TMEM132D: variants seen among roughly 807,000 people sequenced by gnomAD.
TMEM132D encodes mature OL transmembrane protein.
TMEM132D carries 21 observed loss-of-function variants against 62.3 expected under a neutral mutation model. The observed-to-expected ratio is 0.34, with a 90% CI of 0.24 to 0.49. TMEM132D has a LOEUF of 0.49. TMEM132D is among the 20% of genes least tolerant of loss of function. TMEM132D has a pLI of 0.99. For missense variants in TMEM132D, 1,346 were observed against 1,402.8 expected (o/e 0.96, Z 0.65); for synonymous variants, 621 against 575.6 (o/e 1.08, Z -1.13).
At chr12:129,750,647 A>G (rs544666261) in intron 1 of TMEM132D, among the ~76,000 whole-genome samples, 103 of 152,316 alleles carry the variant, frequency 6.8e-4, no homozygotes, top group Non-Finnish European at 1.1e-3. Context: ...TGACTTTTAA[A>G]AGCCAAGAGT....
At chr12:129,715,575 G>T (rs902233578) in intron 1 of TMEM132D, among the ~76,000 whole-genome samples, 1 of 152,084 alleles carries the variant, frequency 6.6e-6, no homozygotes, top group African/African-American at 2.4e-5. Context: ...TCTGGTACAG[G>T]GATAACCCAC....
At chr12:129,828,492 C>G (rs1872720333) in intron 1 of TMEM132D, among the ~76,000 whole-genome samples, 1 of 151,284 alleles carries the variant, frequency 6.6e-6, no homozygotes, top group African/African-American at 2.4e-5. Context: ...TCTTCCTTCC[C>G]CTCCCAATAT....
In TMEM132D at chr12:129,497,918, C is replaced by T. The variant is rs143932865; in HGVS notation, c.1115+33141G>A. Among the ~76,000 whole-genome samples, 69 of 152,168 alleles carry T rather than the reference C, an allele frequency of 4.5e-4. 1 individual carries two copies. In the East Asian group the frequency reaches 0.012, roughly 27 times the overall value. On this transcript the variant is annotated intron_variant, in intron 3 of 8. Coordinates refer to ENST00000422113, the MANE Select transcript of TMEM132D (RefSeq NM_133448.3). The stretch of plus-strand genomic sequence containing the variant: ...TCAAGTGATCCACTCATCTCCACTT[C>T]CGAAAGGGCTAAGATTAGAGGCATA...
At chr12:129,128,652 A>C (rs1876285808) in intron 5 of TMEM132D, among the ~76,000 whole-genome samples, 1 of 152,142 alleles carries the variant, frequency 6.6e-6, no homozygotes, top group Non-Finnish European at 1.5e-5. Context: ...TGTTTGTTAC[A>C]TGGGTATATT....
At chr12:129,736,615 G>GGA (rs1869432369) in intron 1 of TMEM132D, among the ~76,000 whole-genome samples, 1 of 151,152 alleles carries the variant, frequency 6.6e-6, no homozygotes, top group East Asian at 1.9e-4. Flanking sequence ...TTATAGTATT[G>GGA]AAAAAAAAAC....
chr12:129,124,239 G>T (rs1876148008), intron 5 of TMEM132D, among the ~76,000 whole-genome samples: 1 of 152,042 alleles, frequency 6.6e-6, no homozygotes, highest in African/African-American at 2.4e-5. Flanking sequence ...CAAGCCCAGA[G>T]CTCTCTTCAT....
intron 3 of TMEM132D, among the ~76,000 whole-genome samples, chr12:129,504,058 GTCA>G (rs1387334980): frequency 1.2e-4 from 17 of 146,060 alleles, no homozygotes; most frequent in African/African-American, 3.3e-4. Flanking sequence ...CATCATCATT[GTCA>G]TCATCACCAT....
intron 3 of TMEM132D, among the ~76,000 whole-genome samples, chr12:129,508,909 C>T (rs553139239): frequency 5.8e-5 from 6 of 104,318 alleles, no homozygotes; most frequent in Non-Finnish European, 1.4e-4. Flanking sequence ...TGTTGCAGAT[C>T]TTATCATTTT....
intron 1 of TMEM132D, among the ~76,000 whole-genome samples, chr12:129,901,555 G>A (rs952218934): frequency 2.0e-5 from 3 of 152,150 alleles, no homozygotes; most frequent in Non-Finnish European, 4.4e-5. Flanking sequence ...TAGGCTTATC[G>A]TAAACATTTT....
At chr12:129,735,354 C>T (rs1256337548) in intron 1 of TMEM132D, among the ~76,000 whole-genome samples, 1 of 152,138 alleles carries the variant, frequency 6.6e-6, no homozygotes, top group Non-Finnish European at 1.5e-5. Context: ...TTAAAAGGCT[C>T]CCATCCAATA....
intron 3 of TMEM132D, among the ~76,000 whole-genome samples, chr12:129,396,760 T>C (rs1871443688): frequency 6.6e-6 from 1 of 152,186 alleles, no homozygotes; most frequent in South Asian, 2.1e-4. Context: ...CATAAAGGCA[T>C]GGCATGTTTA....
chr12:129,283,135 G>A (rs1881201007), intron 4 of TMEM132D, among the ~76,000 whole-genome samples: 1 of 152,012 alleles, frequency 6.6e-6, no homozygotes, highest in Non-Finnish European at 1.5e-5. Flanking sequence ...TTTTTCATTT[G>A]GGCATTCAGG....
intron 3 of TMEM132D, among the ~76,000 whole-genome samples, chr12:129,345,968 G>A (rs1218588695): frequency 6.6e-6 from 1 of 152,116 alleles, no homozygotes; most frequent in Non-Finnish European, 1.5e-5. Context: ...GAGTTAGGGA[G>A]GAGTCCCTCT....
At chr12:129,356,748 C>T (rs1870069418) in intron 3 of TMEM132D, among the ~76,000 whole-genome samples, 2 of 151,466 alleles carry the variant, frequency 1.3e-5, no homozygotes, top group Admixed American at 6.6e-5. Flanking sequence ...GCCTGTAGTC[C>T]TAGCTACTCA....
chr12:129,873,724 G>A (rs1874327771), intron 1 of TMEM132D, among the ~76,000 whole-genome samples: 1 of 111,720 alleles, frequency 9.0e-6, no homozygotes, highest in Non-Finnish European at 1.9e-5. Context: ...TTTCACAAAA[G>A]CAAAACTATG....
chr12:129,305,704 C>A (rs1881832064), intron 4 of TMEM132D, among the ~76,000 whole-genome samples: 1 of 152,272 alleles, frequency 6.6e-6, no homozygotes, highest in South Asian at 2.1e-4. Context: ...GTTTCTTAAT[C>A]TCTCTGAACC....
In TMEM132D at chr12:129,421,935, C is replaced by G. The variant is rs78153510; in HGVS notation, c.1116-84118G>C. ...TTGTGGCAAATGCACAGGTGTGTGT[C>G]TACCAAAGTGAAGGTACAGAACAAT... On this transcript the variant is annotated intron_variant, in intron 3 of 8. Transcript: ENST00000422113. Among the ~76,000 whole-genome samples the G allele has an allele frequency of 1.2e-3, 189 of 152,242 alleles. 1 individual carries two copies. Among genetic ancestry groups the G allele is most frequent in the African/African-American group, 4.4e-3 (182 of 41,562 alleles).
At chr12:129,792,708 C>CT (rs1185732269) in intron 1 of TMEM132D, among the ~76,000 whole-genome samples, 1 of 152,154 alleles carries the variant, frequency 6.6e-6, no homozygotes, top group Non-Finnish European at 1.5e-5. Context: ...TAAGAGGACT[C>CT]TAACTTGGAT....
chr12:129,432,128 T>C (rs911658820), intron 3 of TMEM132D, among the ~76,000 whole-genome samples: 1 of 138,292 alleles, frequency 7.2e-6, no homozygotes, highest in African/African-American at 2.8e-5. Flanking sequence ...GATAGGTGGA[T>C]GGATGGATGG....
Sources: gnomAD v4.1 joint callset for allele counts (sites outside exome capture counted in the v4.1 genomes callset) on GRCh38, gnomAD v4.1.1 for gene constraint, MANE v1.5 for transcripts, NCBI Gene and HGNC (gene_info 2026-07-23, HGNC 2026-07-21) for gene names.